SEC24C: variants seen among roughly 807,000 people sequenced by gnomAD.
SEC24C encodes the protein SEC24 homolog C, COPII component, also known as protein transport protein Sec24C.
In SEC24C, 22 loss-of-function variants were observed where a neutral mutation model predicts 117.0. The ratio of observed to expected loss-of-function variants is 0.19; its 90% CI spans 0.13 to 0.27. SEC24C has a LOEUF of 0.27. SEC24C is among the 10% of genes least tolerant of loss of function. The pLI, the probability that SEC24C is intolerant of heterozygous loss-of-function variation, is 1.00. For missense variants in SEC24C, 1,155 were observed against 1,375.1 expected, an observed-to-expected ratio of 0.84 and a Z score of 2.53; for synonymous variants, 506 against 529.4, an observed-to-expected ratio of 0.96 and a Z score of 0.61.
chr10:73,771,250 A>G lies in SEC24C; in HGVS notation c.*155A>G, dbSNP rs2082978259. On this transcript the variant is annotated 3_prime_UTR_variant, in exon 23 of 23. Coordinates refer to ENST00000345254, the MANE Select transcript of SEC24C (RefSeq NM_198597.3). Reference sequence around the variant, plus strand: ...AGGAGACACCTTCTTTCTGGGCTCAAGTATCCTGCCACTCTGTCATGTCCT... The same window carrying G: ...AGGAGACACCTTCTTTCTGGGCTCAGGTATCCTGCCACTCTGTCATGTCCT... 2.5e-6 allele frequency: 2 copies of G among 798,006 alleles called. No homozygotes were observed. The highest frequency in any genetic ancestry group is 3.9e-6 in the Non-Finnish European group (2 of 512,588). The allele number at this position is 798,006 out of a possible 1,614,324, so 49.4% of individuals were successfully genotyped here.
chr10:73,763,711 A>G (rs1006614635), intron 7 of SEC24C, 110 bp downstream of exon 7: 2 of 503,902 alleles, frequency 4.0e-6, no homozygotes, highest in Non-Finnish European at 3.1e-6. Context: ...GTTTTTAACC[A>G]GAGACAAGTT....
chr10:73,746,118 C>T (rs1233602020), intron 1 of SEC24C, among the ~76,000 whole-genome samples: 7 of 146,664 alleles, frequency 4.8e-5, no homozygotes, highest in Non-Finnish European at 7.4e-5. Context: ...CGAGATCGCG[C>T]CACTGCACTC....
intron 8 of SEC24C, among the ~76,000 whole-genome samples, chr10:73,765,030 G>A (rs566475767): frequency 1.3e-5 from 2 of 152,178 alleles, no homozygotes. Context: ...CCAGGGATAC[G>A]GGAGGAGGTG....
At chr10:73,770,856 G>A in intron 22 of SEC24C, 58 bp downstream of exon 22, 1 of 1,610,642 alleles carries the variant, frequency 6.2e-7, no homozygotes, top group Non-Finnish European at 8.5e-7. Flanking sequence ...CTAGAAGTGG[G>A]GGTTGGGTGG....
In SEC24C at chr10:73,769,058, A is replaced by T. The variant is rs2082930766; in HGVS notation, c.2330A>T (p.Asp777Val). 1 of 1,614,060 alleles carries T rather than the reference A, an allele frequency of 6.2e-7. No individual in the cohort carries two copies. The highest frequency in any genetic ancestry group is 8.5e-7 in the Non-Finnish European group (1 of 1,180,036). ...GCTTTCTACATGAGCAACACGACAG[A>T]TGTGGAGCTGGCTGGGCTAGATGGG... ...FGAFYMSNTT[D>V]VELAGLDGDK... The change falls in exon 17 of 23, where the codon GAT (aspartate) becomes GTT (valine). Residue 777 changes from aspartate to valine, a missense_variant. Physicochemically the swap from Asp to Val is radical, Grantham distance 152. Transcript: ENST00000345254. This position sits in a 1 kb window ranked among gnomAD's most constrained non-coding sequence, Gnocchi z 4.5.
At chr10:73,753,867 T>C (rs1168084714) in intron 3 of SEC24C, among the ~76,000 whole-genome samples, 2 of 152,206 alleles carry the variant, frequency 1.3e-5, no homozygotes, top group Admixed American at 1.3e-4. Context: ...TACATCACAC[T>C]TGTCCAACTT....
At chr10:73,759,376 G>C (rs2082760206) in intron 3 of SEC24C, among the ~76,000 whole-genome samples, 1 of 152,220 alleles carries the variant, frequency 6.6e-6, no homozygotes, top group African/African-American at 2.4e-5. Context: ...AGAGTAAATA[G>C]TACTTGACCT....
rs1337384689 is a variant in SEC24C at position 73,746,900 on chromosome 10, A to T, written c.68A>T (p.Tyr23Phe). 6.2e-7 allele frequency: 1 copy of T among 1,613,808 alleles called. No homozygotes were observed. Among genetic ancestry groups the T allele is most frequent in the South Asian group, 1.1e-5 (1 of 90,972 alleles). Residue 23 changes from tyrosine (Y) to phenylalanine (F), a missense_variant, in exon 2 of 23, where the codon TAT (tyrosine) becomes TTT (phenylalanine). Physicochemically the swap from Tyr to Phe is conservative, Grantham distance 22 (BLOSUM62 3). Transcript: ENST00000345254. ...CAGCCCCAGCCCATCTACCCAGGGTATCATCAGTCCAGCTATGGTGGGCAA... is the reference window on the plus strand; with the variant it reads ...CAGCCCCAGCCCATCTACCCAGGGTTTCATCAGTCCAGCTATGGTGGGCAA... Reference protein sequence around the residue: ...FGQPQPIYPGYHQSSYGGQSG... With the variant: ...FGQPQPIYPGFHQSSYGGQSG...
At chr10:73,759,394 C>A (rs778438821) in intron 3 of SEC24C, among the ~76,000 whole-genome samples, 1 of 152,146 alleles carries the variant, frequency 6.6e-6, no homozygotes, top group Non-Finnish European at 1.5e-5. Flanking sequence ...CCTGAAGGTG[C>A]TTGGTTTATG....
chr10:73,751,548 C>CATAAATAAATAA (rs576423139), intron 3 of SEC24C, among the ~76,000 whole-genome samples: 38 of 151,930 alleles, frequency 2.5e-4, no homozygotes, highest in African/African-American at 7.5e-4. Context: ...GACTCCGTCT[C>CATAAATAAATAA]ATAAATAAAT....
intron 3 of SEC24C, among the ~76,000 whole-genome samples, chr10:73,756,329 T>C (rs1359746328): frequency 6.6e-6 from 1 of 152,174 alleles, no homozygotes; most frequent in African/African-American, 2.4e-5. Context: ...TTATAAAGTC[T>C]GGACCTGGGC....
Position 73,769,688 on chromosome 10 carries a change from G to C in SEC24C, c.2637G>C (p.Leu879=). The change falls in exon 19 of 23, where the codon CTG becomes CTC. Residue 879 remains leucine (L), a synonymous_variant. Coordinates refer to ENST00000345254, the MANE Select transcript of SEC24C (RefSeq NM_198597.3). The surrounding 1 kb of genome is among the most constrained non-coding windows in gnomAD (Gnocchi z 4.5). Reference sequence around the variant, plus strand: ...TCATCACCCAGTGTGCCCAGATCCTGGCCTGTTACAGAAAGAACTGTGCTA... The same window carrying C: ...TCATCACCCAGTGTGCCCAGATCCTCGCCTGTTACAGAAAGAACTGTGCTA... ...DTLITQCAQI[L]ACYRKNCASP... The C allele has an allele frequency of 6.2e-7, 1 of 1,614,194 alleles. No homozygotes were observed. The highest frequency in any genetic ancestry group is 8.5e-7 in the Non-Finnish European group (1 of 1,180,030).
At chr10:73,749,023 G>A (rs1222505073) in intron 2 of SEC24C, among the ~76,000 whole-genome samples, 3 of 152,154 alleles carry the variant, frequency 2.0e-5, no homozygotes, top group Non-Finnish European at 4.4e-5. Context: ...GATTACAAAC[G>A]TAAGCCACCA....
rs748587674 is a variant in SEC24C at position 73,760,757 on chromosome 10, C to G, written c.895C>G (p.Pro299Ala). 10 of 1,613,944 alleles carry G rather than the reference C, an allele frequency of 6.2e-6. No individual in the cohort carries two copies. The South Asian group carries it at 1.1e-4, about 18-fold the overall frequency. ...GGGCCCTCAGTCTAATTATGGAGGC[C>G]CCTACCCAGCAGCACCCACCTTTGG... ...ARGPQSNYGG[P>A]YPAAPTFGSQ... is the part of the protein sequence containing the mutation. Residue 299 changes from proline (P) to alanine (A), a missense_variant, in exon 6 of 23, where the codon CCC (proline) becomes GCC (alanine). Transcript: ENST00000345254.
At chr10:73,756,041 G>A (rs2082705497) in intron 3 of SEC24C, among the ~76,000 whole-genome samples, 1 of 152,050 alleles carries the variant, frequency 6.6e-6, no homozygotes, top group South Asian at 2.1e-4. Flanking sequence ...TAGTAGAGAT[G>A]AGGTTTCACC....
intron 6 of SEC24C, chr10:73,762,169 A>G: frequency 7.8e-7 from 1 of 1,289,744 alleles, no homozygotes; most frequent in Non-Finnish European, 1.0e-6. Flanking sequence ...CTAGTCCAGT[A>G]AGTGCAGGGG....
intron 3 of SEC24C, among the ~76,000 whole-genome samples, chr10:73,755,836 C>G (rs961662543): frequency 6.6e-6 from 1 of 151,694 alleles, no homozygotes; most frequent in African/African-American, 2.4e-5. Flanking sequence ...GTTTTAGAGA[C>G]CAAGTGAGGA....
chr10:73,770,495 A>AT (rs1237405597), intron 21 of SEC24C, 24 bp downstream of exon 21: 1 of 1,611,520 alleles, frequency 6.2e-7, no homozygotes, highest in African/African-American at 1.3e-5. Context: ...GTCAAGGAGA[A>AT]TATGGGTGTG....
At chr10:73,746,756 T>C in intron 1 of SEC24C, 49 bp from the exon 2 acceptor site, 2 of 1,330,522 alleles carry the variant, frequency 1.5e-6, no homozygotes, top group Admixed American at 4.2e-5. Flanking sequence ...CCTGAATAGT[T>C]GCTCTCTTTA....
Sources: gnomAD v4.1 joint callset for allele counts (sites outside exome capture counted in the v4.1 genomes callset) on GRCh38, gnomAD v4.1.1 for gene constraint, Gnocchi (gnomAD v3.1) non-coding constraint, MANE v1.5 for transcripts, NCBI Gene and HGNC (gene_info 2026-07-23, HGNC 2026-07-21) for gene names.